The following VTI1A variants were observed in gnomAD, a reference collection of about 807,000 sequenced individuals.
VTI1A encodes vesicle transport through interaction with t-SNAREs 1A, also known as vesicle transport through interaction with t-SNAREs homolog 1A.
A neutral mutation model predicts 34.9 loss-of-function variants in VTI1A; 22 were observed. The ratio of observed to expected loss-of-function variants is 0.63; its 90% CI spans 0.45 to 0.90. The LOEUF (loss-of-function observed/expected upper bound fraction) is 0.90. VTI1A is among the 40% of genes least tolerant of loss of function. The pLI, the probability that VTI1A is intolerant of heterozygous loss-of-function variation, is 0.00. For missense variants in VTI1A, 268 were observed against 275.6 expected (o/e 0.97, Z 0.20); for synonymous variants, 87 against 97.3 (o/e 0.89, Z 0.62).
At chr10:112,625,161 G>T (rs1381648248) in intron 5 of VTI1A, among the ~76,000 whole-genome samples, 5 of 152,182 alleles carry the variant, frequency 3.3e-5, no homozygotes. Flanking sequence ...AACTTGGGGG[G>T]TAACCTTTGT....
the VTI1A span, among the ~76,000 whole-genome samples, chr10:112,840,047 T>C: frequency 6.6e-6 from 1 of 152,094 alleles, no homozygotes; most frequent in Non-Finnish European, 1.5e-5. Context: ...AGGGCCAGGC[T>C]GTATATAAAA....
intron 3 of VTI1A, among the ~76,000 whole-genome samples, chr10:112,485,897 C>G (rs1848609909): frequency 6.6e-6 from 1 of 152,158 alleles, no homozygotes; most frequent in African/African-American, 2.4e-5. Context: ...GTGGTGCTCC[C>G]ATTTAAATGA....
At chr10:112,813,780 C>A (rs11813603) in intron 7 of VTI1A, among the ~76,000 whole-genome samples, 2,152 of 152,220 alleles carry the variant, frequency 0.014, 60 homozygotes, top group African/African-American at 0.049. Flanking sequence ...TGCAGACTTT[C>A]TAGTGGGGAA....
At chr10:112,830,843 ATATATATTTTT>A in the VTI1A span, among the ~76,000 whole-genome samples, 13 of 45,212 alleles carry the variant, frequency 2.9e-4, 2 homozygotes, top group Non-Finnish European at 5.2e-4. Context: ...ATATATATAT[ATATATATTTTT>A]TTTTTTTTTC....
chr10:112,801,988 C>T (rs933999475), intron 7 of VTI1A, among the ~76,000 whole-genome samples: 1 of 152,214 alleles, frequency 6.6e-6, no homozygotes, highest in Non-Finnish European at 1.5e-5. Context: ...TGGCTCACAC[C>T]TGTGATCCCA....
chr10:112,642,985 T>TG (rs1167909865), intron 5 of VTI1A, among the ~76,000 whole-genome samples: 1 of 148,234 alleles, frequency 6.7e-6, no homozygotes, highest in Non-Finnish European at 1.5e-5. Flanking sequence ...TTCTTTTTTT[T>TG]TTTTTTTTTG....
At chr10:112,525,610 G>T (rs1371327722) in intron 3 of VTI1A, among the ~76,000 whole-genome samples, 2 of 152,058 alleles carry the variant, frequency 1.3e-5, no homozygotes, top group African/African-American at 2.4e-5. Context: ...TTTTCAACTG[G>T]GTTCTGCCAG....
intron 3 of VTI1A, among the ~76,000 whole-genome samples, chr10:112,505,162 T>C (rs1173658653): frequency 6.6e-6 from 1 of 152,168 alleles, no homozygotes; most frequent in Non-Finnish European, 1.5e-5. Context: ...ATTACTCTTA[T>C]ATAGTTATGC....
intron 7 of VTI1A, among the ~76,000 whole-genome samples, chr10:112,673,468 G>GCGCGCGCACACA (rs1554938762): frequency 1.3e-5 from 2 of 151,562 alleles, no homozygotes; most frequent in African/African-American, 2.4e-5. Context: ...GCGTGCGCGC[G>GCGCGCGCACACA]CACACACACA....
intron 5 of VTI1A, chr10:112,548,757 G>A (rs1403131648): frequency 1.4e-6 from 2 of 1,462,408 alleles, no homozygotes; most frequent in African/African-American, 1.4e-5. Flanking sequence ...GAGATGGATA[G>A]TCTGAGAAGC....
intron 5 of VTI1A, among the ~76,000 whole-genome samples, chr10:112,649,873 A>C (rs1360832002): frequency 6.6e-6 from 1 of 152,184 alleles, no homozygotes; most frequent in Non-Finnish European, 1.5e-5. Flanking sequence ...AAGAGATAAA[A>C]AATGATCCAC....
chr10:112,854,441 A>G, the VTI1A span, among the ~76,000 whole-genome samples: 12 of 152,302 alleles, frequency 7.9e-5, no homozygotes, highest in South Asian at 2.5e-3. Flanking sequence ...GCTCTTAACC[A>G]CTATAGATGT....
Position 112,815,614 on chromosome 10 carries a change from G to T in VTI1A, c.*231G>T. 1.8e-6 allele frequency: 1 copy of T among 542,444 alleles called. No homozygotes were observed. Among genetic ancestry groups the T allele is most frequent in the Non-Finnish European group, 3.3e-6 (1 of 301,454 alleles). 33.6% of individuals were successfully genotyped at this position (542,444 alleles called of 1,614,324 possible). On this transcript the variant is annotated 3_prime_UTR_variant, in exon 8 of 8. Coordinates refer to ENST00000393077, the MANE Select transcript of VTI1A (RefSeq NM_145206.4). ...TCACCCAGATTCGTTTTTTAGAGGG[G>T]AAGGTGAATGTTTATTTACCTTTTT...
chr10:112,563,691 C>T (rs370935763), intron 5 of VTI1A, among the ~76,000 whole-genome samples: 2 of 152,118 alleles, frequency 1.3e-5, no homozygotes, highest in Non-Finnish European at 2.9e-5. Flanking sequence ...AATTTATTAA[C>T]GTCAAATTAG....
chr10:112,717,510 G>A (rs1420333857), intron 7 of VTI1A, among the ~76,000 whole-genome samples: 1 of 152,126 alleles, frequency 6.6e-6, no homozygotes, highest in Non-Finnish European at 1.5e-5. Context: ...GGAGTAGCTC[G>A]GGACTGGCTG....
intron 7 of VTI1A, among the ~76,000 whole-genome samples, chr10:112,810,847 C>T (rs1201471948): frequency 6.6e-6 from 1 of 152,154 alleles, no homozygotes; most frequent in Non-Finnish European, 1.5e-5. Context: ...TACACAGGAG[C>T]ATTGGCTGGA....
chr10:112,735,890 A>G (rs1398446416), intron 7 of VTI1A, among the ~76,000 whole-genome samples: 1 of 151,814 alleles, frequency 6.6e-6, no homozygotes, highest in Non-Finnish European at 1.5e-5. Context: ...GAAAAGCAAC[A>G]TGTTCATGGA....
intron 3 of VTI1A, among the ~76,000 whole-genome samples, chr10:112,495,412 T>C (rs1490011457): frequency 1.3e-5 from 2 of 152,042 alleles, no homozygotes; most frequent in Admixed American, 6.6e-5. Context: ...AAGAAGGAAT[T>C]AAGGATAAAG....
intron 7 of VTI1A, among the ~76,000 whole-genome samples, chr10:112,681,385 G>A (rs1006525636): frequency 6.6e-6 from 1 of 152,116 alleles, no homozygotes; most frequent in Admixed American, 6.5e-5. Flanking sequence ...CCAGCCAGGA[G>A]CCTTCAGCTT....
Sources: gnomAD v4.1 joint callset for allele counts (sites outside exome capture counted in the v4.1 genomes callset) on GRCh38, gnomAD v4.1.1 for gene constraint, MANE v1.5 for transcripts, NCBI Gene and HGNC (gene_info 2026-07-23, HGNC 2026-07-21) for gene names.